Variants in EDIL3 observed in about 807,000 individuals in gnomAD.
The protein encoded by EDIL3 is EGF like and discoidin domains 3.
A neutral mutation model predicts 67.4 loss-of-function variants in EDIL3; 37 were observed. The ratio of observed to expected loss-of-function variants is 0.55; its 90% CI spans 0.42 to 0.72. EDIL3 has a LOEUF of 0.72. Ranked by LOEUF, EDIL3 falls within the 30% of genes least tolerant of loss-of-function variation. The pLI, the probability that EDIL3 is intolerant of heterozygous loss-of-function variation, is 0.00. For synonymous variants in EDIL3, 195 were observed against 196.3 expected (o/e 0.99, Z 0.05); for missense variants, 527 against 586.3 (o/e 0.90, Z 1.04).
chr5:84,048,212 T>C, intron 9 of EDIL3: 1 of 428,494 alleles, frequency 2.3e-6, no homozygotes, highest in Non-Finnish European at 4.6e-6. Context: ...TCCTTCATAT[T>C]GACAAATGTT....
chr5:83,994,151 T>C (rs1274720833), intron 9 of EDIL3, among the ~76,000 whole-genome samples: 1 of 152,182 alleles, frequency 6.6e-6, no homozygotes, highest in Non-Finnish European at 1.5e-5. Context: ...ACGCTTCCTT[T>C]ATGATGCAAA....
In EDIL3 at chr5:84,030,221, T is replaced by C. The variant is rs540458128; in HGVS notation, c.1137+30079A>G. ...TTCTTTTGTGTTTATTTGTGCACTT[T>C]TAGTTCAGAAGTGGTTTTTAAATCT... On this transcript the variant is annotated intron_variant, in intron 9 of 10. Transcript: ENST00000296591. Among the ~76,000 whole-genome samples, 12 of 152,362 alleles carry C rather than the reference T, an allele frequency of 7.9e-5. No homozygotes were observed. The East Asian group carries it at 2.1e-3, about 27-fold the overall frequency.
chr5:84,083,510 G>T (rs1053334309), intron 6 of EDIL3, among the ~76,000 whole-genome samples: 4 of 152,102 alleles, frequency 2.6e-5, no homozygotes, highest in African/African-American at 9.7e-5. Flanking sequence ...AACAGTTGAT[G>T]ACTCTAGCCA....
At chr5:84,379,079 T>C (rs1269901973) in intron 1 of EDIL3, among the ~76,000 whole-genome samples, 1 of 152,078 alleles carries the variant, frequency 6.6e-6, no homozygotes, top group Non-Finnish European at 1.5e-5. Flanking sequence ...ATTTTTATCC[T>C]AGGAGAACTC....
Position 84,384,563 on chromosome 5 carries a change from C to A in EDIL3, c.-189G>T. ...GAGAGTGGTGACTAAAGAGAGGAGCCTTTCCTCCCCTTTTGCCTGCGCTCC... is the reference window on the plus strand; with the variant it reads ...GAGAGTGGTGACTAAAGAGAGGAGCATTTCCTCCCCTTTTGCCTGCGCTCC... On this transcript the variant is annotated 5_prime_UTR_variant, in exon 1 of 11. The change creates a new upstream start codon in the 5' untranslated region. Transcript: ENST00000296591. 2.1e-6 allele frequency: 1 copy of A among 482,660 alleles called. No homozygotes were observed. The highest frequency in any genetic ancestry group is 3.5e-6 in the Non-Finnish European group (1 of 283,436). The allele number at this position is 482,660 out of a possible 1,614,324, so 29.9% of individuals were successfully genotyped here.
chr5:84,253,275 T>C (rs1159249669), intron 2 of EDIL3, among the ~76,000 whole-genome samples: 1 of 152,220 alleles, frequency 6.6e-6, no homozygotes, highest in Non-Finnish European at 1.5e-5. Flanking sequence ...TGGTTTCCTA[T>C]AATGAACAGA....
intron 1 of EDIL3, among the ~76,000 whole-genome samples, chr5:84,261,417 A>T (rs1745220634): frequency 6.6e-6 from 1 of 152,184 alleles, no homozygotes; most frequent in Non-Finnish European, 1.5e-5. Context: ...AATGAGTTTG[A>T]TGCATAGGTT....
chr5:84,115,467 T>C (rs1485478782), intron 5 of EDIL3, among the ~76,000 whole-genome samples: 3 of 152,176 alleles, frequency 2.0e-5, no homozygotes, highest in Non-Finnish European at 4.4e-5. Flanking sequence ...GTGAGCATAT[T>C]GATGCAGAAT....
chr5:84,031,529 C>T (rs1291146374), intron 9 of EDIL3, among the ~76,000 whole-genome samples: 9 of 152,238 alleles, frequency 5.9e-5, no homozygotes, highest in African/African-American at 2.4e-5. Flanking sequence ...GAAGGTAATT[C>T]GGTCATGAAT....
At chr5:84,321,211 A>G (rs867111235) in intron 1 of EDIL3, among the ~76,000 whole-genome samples, 1 of 152,106 alleles carries the variant, frequency 6.6e-6, no homozygotes, top group African/African-American at 2.4e-5. Flanking sequence ...CCCCTGGTGT[A>G]TATCTGTTGG....
intron 1 of EDIL3, among the ~76,000 whole-genome samples, chr5:84,303,812 G>C (rs879888277): frequency 0.21 from 19,611 of 92,668 alleles, 1,221 homozygotes; most frequent in Middle Eastern, 0.35. Context: ...CTCTCTCTGT[G>C]TGTGTGTGTG....
intron 4 of EDIL3, among the ~76,000 whole-genome samples, chr5:84,163,689 T>C (rs1415543556): frequency 1.3e-5 from 2 of 152,094 alleles, no homozygotes; most frequent in Non-Finnish European, 2.9e-5. Context: ...GGTATTAACA[T>C]GGACATTGTG....
intron 1 of EDIL3, among the ~76,000 whole-genome samples, chr5:84,308,181 C>T (rs889517321): frequency 6.6e-6 from 1 of 151,972 alleles, no homozygotes; most frequent in South Asian, 2.1e-4. Flanking sequence ...GATGTAGAAT[C>T]GATATGATCT....
At position 84,144,258 on chromosome 5, in the gene EDIL3, C is replaced by T. The variant is rs1473231356; in HGVS notation, c.356-6904G>A. Among the ~76,000 whole-genome samples, 6 of 143,416 alleles carry T rather than the reference C, an allele frequency of 4.2e-5. No individual in the cohort carries two copies. In the Admixed American group the frequency reaches 4.4e-4, roughly 11 times the overall value. The allele number at this position is 143,416 out of a possible 152,430, so 94.1% of individuals were successfully genotyped here. ...TTTCCTTGCCTCCCTTCCTCCCTCC[C>T]ACCCTTCCTCCTTTCCTTCCTTCCT... is the stretch of plus-strand genomic sequence containing the variant. On this transcript the variant is annotated intron_variant, in intron 4 of 10. Coordinates refer to ENST00000296591, the MANE Select transcript of EDIL3 (RefSeq NM_005711.5).
intron 9 of EDIL3, among the ~76,000 whole-genome samples, chr5:84,043,110 T>C (rs953849237): frequency 1.3e-5 from 2 of 152,234 alleles, no homozygotes; most frequent in African/African-American, 4.8e-5. Context: ...GAAAGTTAAA[T>C]GCAGTTTAAG....
chr5:84,261,193 T>C (rs541004138), intron 1 of EDIL3, among the ~76,000 whole-genome samples: 2 of 152,340 alleles, frequency 1.3e-5, no homozygotes, highest in African/African-American at 4.8e-5. Flanking sequence ...GTAATAATTC[T>C]AGTTAAAATT....
intron 1 of EDIL3, among the ~76,000 whole-genome samples, chr5:84,331,933 G>T (rs1045872634): frequency 1.3e-5 from 2 of 152,142 alleles, no homozygotes; most frequent in African/African-American, 4.8e-5. Flanking sequence ...AGAGTTAGGG[G>T]CAAATTGGCA....
chr5:84,132,061 C>T (rs749722977), intron 5 of EDIL3, among the ~76,000 whole-genome samples: 7 of 150,094 alleles, frequency 4.7e-5, no homozygotes, highest in Non-Finnish European at 8.9e-5. Flanking sequence ...GGTGAAACCC[C>T]GTCTCTACTA....
chr5:84,359,220 T>C (rs915695663), intron 1 of EDIL3, among the ~76,000 whole-genome samples: 2 of 152,192 alleles, frequency 1.3e-5, no homozygotes. Context: ...TATCTGCCTA[T>C]ATAGCATTGT....
Sources: allele counts gnomAD v4.1 joint callset (sites outside exome capture counted in the v4.1 genomes callset), GRCh38; gene constraint gnomAD v4.1.1; transcripts MANE v1.5; gene names NCBI Gene and HGNC (gene_info 2026-07-23, HGNC 2026-07-21).